Variants in SLC7A14 observed in about 807,000 individuals in gnomAD.
The protein encoded by SLC7A14 is solute carrier family 7 member 14.
Under a neutral mutation model 60.2 loss-of-function variants are expected in SLC7A14, and 37 were observed. The observed-to-expected ratio is 0.61, with a 90% CI of 0.47 to 0.81. The LOEUF is 0.81. Among genes scored for constraint, SLC7A14 ranks in the 30% least tolerant of loss-of-function variants. SLC7A14 has a pLI of 0.00. For synonymous variants in SLC7A14, 399 were observed against 395.8 expected (o/e 1.01, Z -0.10); for missense variants, 886 against 982.7 (o/e 0.90, Z 1.32).
intron 2 of SLC7A14, 48 bp downstream of exon 2, chr3:170,526,585 G>A: frequency 1.9e-6 from 3 of 1,581,832 alleles, no homozygotes; most frequent in Non-Finnish European, 2.6e-6. Context: ...CAGTGACCAG[G>A]CTGGTAAGCA....
intron 3 of SLC7A14, among the ~76,000 whole-genome samples, chr3:170,499,391 T>G (rs1382609108): frequency 6.6e-6 from 1 of 151,640 alleles, no homozygotes; most frequent in Non-Finnish European, 1.5e-5. Context: ...GGTAGATAGG[T>G]AAGATGATCT....
chr3:170,584,827 G>C (rs1038110907), intron 1 of SLC7A14, among the ~76,000 whole-genome samples: 1 of 152,120 alleles, frequency 6.6e-6, no homozygotes, highest in Non-Finnish European at 1.5e-5. Flanking sequence ...CGGCCCTTGG[G>C]CAATTCGGGC....
chr3:170,543,315 G>A (rs762814985), intron 1 of SLC7A14, among the ~76,000 whole-genome samples: 6 of 152,126 alleles, frequency 3.9e-5, no homozygotes, highest in African/African-American at 7.2e-5. Flanking sequence ...TATGCTCTGC[G>A]TTAAAGAGAT....
At chr3:170,554,150 A>C (rs1714426740) in intron 1 of SLC7A14, among the ~76,000 whole-genome samples, 1 of 152,224 alleles carries the variant, frequency 6.6e-6, no homozygotes, top group Non-Finnish European at 1.5e-5. Context: ...AAGAGCAAGA[A>C]GAGGATGAAA....
chr3:170,580,754 G>T (rs866603584), intron 1 of SLC7A14, among the ~76,000 whole-genome samples: 4 of 152,288 alleles, frequency 2.6e-5, no homozygotes, highest in Middle Eastern at 6.8e-3. Context: ...ATGAATGAAT[G>T]AATAAATAAA....
At chr3:170,570,813 C>T (rs889643530) in intron 1 of SLC7A14, among the ~76,000 whole-genome samples, 3 of 152,126 alleles carry the variant, frequency 2.0e-5, no homozygotes, top group African/African-American at 7.2e-5. Flanking sequence ...TTTCTTTTCT[C>T]TTTTTCCCAT....
chr3:170,483,551 A>G lies in SLC7A14; in HGVS notation c.907-29T>C, dbSNP rs757508828. On this transcript the variant is annotated intron_variant, in intron 5 of 7. Transcript: ENST00000231706. ...TTAAAACAAGAGAAGACAGGGCTGG[A>G]GGTACAGGGGAAGAACAGCATGGAT... is the stretch of plus-strand genomic sequence containing the variant. The G allele has an allele frequency of 1.7e-5, 28 of 1,612,638 alleles. No individual in the cohort carries two copies. In the African/African-American group the frequency reaches 3.5e-4, roughly 20 times the overall value.
chr3:170,544,803 G>T (rs1359866342), intron 1 of SLC7A14, among the ~76,000 whole-genome samples: 1 of 152,230 alleles, frequency 6.6e-6, no homozygotes, highest in African/African-American at 2.4e-5. Flanking sequence ...TAAAGATGAG[G>T]AAACTGAGGC....
chr3:170,527,930 T>C (rs1713560514), intron 1 of SLC7A14, among the ~76,000 whole-genome samples: 1 of 152,188 alleles, frequency 6.6e-6, no homozygotes, highest in Admixed American at 6.5e-5. Context: ...AATACAACTA[T>C]AGAATAAATC....
intron 2 of SLC7A14, among the ~76,000 whole-genome samples, chr3:170,519,203 G>T (rs527707409): frequency 6.6e-6 from 1 of 152,102 alleles, no homozygotes; most frequent in Non-Finnish European, 1.5e-5. Flanking sequence ...TCTTCCCATC[G>T]TAAATTGGGA....
intron 2 of SLC7A14, among the ~76,000 whole-genome samples, chr3:170,507,252 T>C (rs1413429128): frequency 6.6e-6 from 1 of 152,226 alleles, no homozygotes; most frequent in Non-Finnish European, 1.5e-5. Context: ...TAAGTGGCTA[T>C]GAAATGAGGA....
rs528069739 is a variant in SLC7A14, at chr3:170,563,715, C to G, written c.-153+22196G>C. Among the ~76,000 whole-genome samples the G allele has an allele frequency of 4.0e-4, 61 of 152,284 alleles. 1 individual carries two copies. Among genetic ancestry groups the G allele is most frequent in the African/African-American group, 1.4e-3 (57 of 41,556 alleles). On this transcript the variant is annotated intron_variant, in intron 1 of 7. Coordinates refer to ENST00000231706, the MANE Select transcript of SLC7A14 (RefSeq NM_020949.3). ...GGATTACAGGCGTAAGCCACCGCGC[C>G]CGGCCCAACAAACACTGGTCTTAAA...
chr3:170,583,022 A>G (rs1478237628), intron 1 of SLC7A14, among the ~76,000 whole-genome samples: 2 of 152,226 alleles, frequency 1.3e-5, no homozygotes, highest in African/African-American at 4.8e-5. Context: ...AGTGCCTCAC[A>G]TATGATAAGC....
chr3:170,576,517 C>A lies in SLC7A14; in HGVS notation c.-153+9394G>T, dbSNP rs145010168. Among the ~76,000 whole-genome samples the A allele has an allele frequency of 2.0e-5, 3 of 152,272 alleles. No individual in the cohort carries two copies. In the East Asian group the frequency reaches 5.8e-4, roughly 29 times the overall value. ...TAATTTTAAAACCACTGATCTCTGA[C>A]CCCATTGTTTTACTTATTGGTAAAC... On this transcript the variant is annotated intron_variant, in intron 1 of 7. Transcript: ENST00000231706.
In SLC7A14 at chr3:170,527,042, GA is replaced by G; in HGVS notation, c.-107del. ...TAGTGAACAGGGATCTCCCTTTTAG[GA>G]AAGGCCCAGAGGGACCCAGTGCAGC... On this transcript the variant is annotated 5_prime_UTR_variant, in exon 2 of 8. It removes the in-frame stop codon of an upstream open reading frame in the 5' UTR. Transcript: ENST00000231706. The G allele has an allele frequency of 7.9e-7, 1 of 1,272,896 alleles. No homozygotes were observed. The highest frequency in any genetic ancestry group is 1.1e-6 in the Non-Finnish European group (1 of 937,238). The allele number at this position is 1,272,896 out of a possible 1,614,324, so 78.9% of individuals were successfully genotyped here. A position where few individuals can be genotyped will look rare whatever the true frequency, so the allele number is the denominator to read the frequency against.
intron 4 of SLC7A14, among the ~76,000 whole-genome samples, chr3:170,490,739 A>T (rs562736616): frequency 6.6e-6 from 1 of 152,348 alleles, no homozygotes; most frequent in African/African-American, 2.4e-5. Context: ...TGATTCTGCC[A>T]CATATTAGCT....
chr3:170,559,902 G>A (rs1368237675), intron 1 of SLC7A14, among the ~76,000 whole-genome samples: 1 of 152,236 alleles, frequency 6.6e-6, no homozygotes, highest in African/African-American at 2.4e-5. Context: ...GCTAGGCTTT[G>A]CCACCTCTCT....
chr3:170,554,528 T>C (rs1350287922), intron 1 of SLC7A14, among the ~76,000 whole-genome samples: 4 of 152,218 alleles, frequency 2.6e-5, no homozygotes, highest in African/African-American at 9.6e-5. Context: ...GAGCCAGCAC[T>C]AGGCCTTTGT....
At chr3:170,555,951 A>G (rs1714474987) in intron 1 of SLC7A14, among the ~76,000 whole-genome samples, 1 of 152,168 alleles carries the variant, frequency 6.6e-6, no homozygotes, top group Non-Finnish European at 1.5e-5. Context: ...TTTGCTTAGA[A>G]GAGATTCCTA....
Sources: gnomAD v4.1 joint callset for allele counts (sites outside exome capture counted in the v4.1 genomes callset) on GRCh38, gnomAD v4.1.1 for gene constraint, MANE v1.5 for transcripts, NCBI Gene and HGNC (gene_info 2026-07-23, HGNC 2026-07-21) for gene names.